Variants in SCP2 observed in about 807,000 individuals in gnomAD.
SCP2 encodes SCP-2/3-oxoacyl-CoA thiolase.
Under a neutral mutation model 71.4 loss-of-function variants are expected in SCP2, and 48 were observed. That is an observed-to-expected ratio of 0.67 (90% CI 0.53 to 0.86). SCP2 has a LOEUF of 0.86. Among genes scored for constraint, SCP2 ranks in the 40% least tolerant of loss-of-function variants. The pLI, the probability that SCP2 is intolerant of heterozygous loss-of-function variation, is 0.00. For missense variants in SCP2, 560 were observed against 655.6 expected (o/e 0.85, Z 1.59); for synonymous variants, 220 against 218.1 (o/e 1.01, Z -0.08).
At chr1:53,047,266 G>A (rs1342244007) in intron 14 of SCP2, among the ~76,000 whole-genome samples, 2 of 152,196 alleles carry the variant, frequency 1.3e-5, no homozygotes, top group African/African-American at 4.8e-5. Flanking sequence ...CTGCTAGCAA[G>A]GTAGAATCAT....
chr1:53,035,129 T>C (rs1662838763), intron 13 of SCP2, among the ~76,000 whole-genome samples: 1 of 151,404 alleles, frequency 6.6e-6, no homozygotes, highest in Admixed American at 6.6e-5. Context: ...AAAATTAATA[T>C]GATACCAAAA....
chr1:52,998,978 A>C (rs1281393141), intron 11 of SCP2, among the ~76,000 whole-genome samples: 1 of 152,252 alleles, frequency 6.6e-6, no homozygotes, highest in Non-Finnish European at 1.5e-5. Context: ...ACCTCAGGAA[A>C]TCTGCAGTAT....
intron 6 of SCP2, among the ~76,000 whole-genome samples, chr1:52,968,362 T>A (rs1438881352): frequency 6.6e-6 from 1 of 152,238 alleles, no homozygotes; most frequent in African/African-American, 2.4e-5. Flanking sequence ...TAATTATGTC[T>A]ATTCTTTCTA....
rs149625121 is a variant in SCP2, at chr1:53,017,122, AGACT to A, written c.1235+2082_1235+2085del. 6.2e-3 allele frequency among the ~76,000 whole-genome samples: 952 copies of A among 152,348 alleles called. 16 individuals are homozygous for A. The highest frequency in any genetic ancestry group is 0.022 in the African/African-American group (915 of 41,586). On this transcript the variant is annotated intron_variant, in intron 12 of 15. Transcript: ENST00000371514. ...CGTAAGAGAGGAGCTTTTGTGCTAC[AGACT>A]GAGAATAGGTATGTATTCTATATTC...
At chr1:52,947,927 T>C (rs753610080) in intron 2 of SCP2, 82 bp from the exon 3 acceptor site, 61 of 927,648 alleles carry the variant, frequency 6.6e-5, no homozygotes, top group Non-Finnish European at 9.2e-5. Flanking sequence ...TAGTTTACTT[T>C]GAGAAAACTC....
chr1:52,953,753 C>T (rs1203385440), intron 4 of SCP2, among the ~76,000 whole-genome samples: 1 of 150,644 alleles, frequency 6.6e-6, no homozygotes, highest in African/African-American at 2.4e-5. Context: ...CTTTGGGAAG[C>T]TGAGGTGGGT....
intron 5 of SCP2, among the ~76,000 whole-genome samples, chr1:52,958,404 T>A (rs2150136964): frequency 6.6e-6 from 1 of 152,178 alleles, no homozygotes; most frequent in South Asian, 2.1e-4. Flanking sequence ...CTAATTTGTG[T>A]ATTTTTAGTA....
At chr1:53,038,072 G>A (rs1663145904) in intron 13 of SCP2, among the ~76,000 whole-genome samples, 1 of 151,500 alleles carries the variant, frequency 6.6e-6, no homozygotes, top group African/African-American at 2.4e-5. Flanking sequence ...CTTGAGCACT[G>A]GAGATCGACC....
At chr1:53,021,370 G>A (rs955649914) in intron 12 of SCP2, among the ~76,000 whole-genome samples, 1 of 147,552 alleles carries the variant, frequency 6.8e-6, no homozygotes, top group African/African-American at 2.5e-5. Flanking sequence ...AGGCTGGAGT[G>A]CAGTTGCGCA....
intron 6 of SCP2, among the ~76,000 whole-genome samples, chr1:52,970,783 G>A (rs1047147514): frequency 3.3e-5 from 5 of 151,288 alleles, no homozygotes; most frequent in African/African-American, 9.7e-5. Flanking sequence ...GTGTAGAAAC[G>A]TGAGCAGTTG....
At chr1:53,006,773 C>T (rs1383506967) in intron 11 of SCP2, among the ~76,000 whole-genome samples, 1 of 152,048 alleles carries the variant, frequency 6.6e-6, no homozygotes, top group Non-Finnish European at 1.5e-5. Context: ...CAAATTCACA[C>T]ATAACAATAT....
chr1:53,014,541 C>T (rs1661203141), intron 11 of SCP2, among the ~76,000 whole-genome samples: 1 of 152,164 alleles, frequency 6.6e-6, no homozygotes. Flanking sequence ...ACCAGCTAAA[C>T]TTTTAGGGAA....
intron 10 of SCP2, among the ~76,000 whole-genome samples, chr1:52,983,105 G>A (rs115248682): frequency 0.016 from 2,380 of 152,230 alleles, 70 homozygotes; most frequent in African/African-American, 0.054. Context: ...GGAACTCTGG[G>A]CTGATTATAG....
At chr1:52,993,228 C>G (rs774483050) in intron 11 of SCP2, 2 of 1,614,122 alleles carry the variant, frequency 1.2e-6, no homozygotes, top group South Asian at 2.2e-5. Context: ...CCTTTCTTGT[C>G]TTTTTCTTTC....
At chr1:53,024,472 TA>T (rs1284501053) in intron 12 of SCP2, among the ~76,000 whole-genome samples, 1 of 152,188 alleles carries the variant, frequency 6.6e-6, no homozygotes, top group Non-Finnish European at 1.5e-5. Flanking sequence ...ATGTGTATTT[TA>T]ACATAATAAA....
At chr1:52,938,272 T>A (rs545935315) in intron 1 of SCP2, among the ~76,000 whole-genome samples, 1 of 152,226 alleles carries the variant, frequency 6.6e-6, no homozygotes, top group Non-Finnish European at 1.5e-5. Flanking sequence ...ATGAAAGTTT[T>A]GCTTCACTTA....
intron 12 of SCP2, among the ~76,000 whole-genome samples, chr1:53,019,170 A>C (rs1256115888): frequency 6.6e-6 from 1 of 152,186 alleles, no homozygotes; most frequent in Non-Finnish European, 1.5e-5. Flanking sequence ...TAATCACTTA[A>C]TGTGGCATCT....
intron 4 of SCP2, among the ~76,000 whole-genome samples, chr1:52,953,458 G>A (rs1303981824): frequency 6.6e-6 from 1 of 151,916 alleles, no homozygotes; most frequent in Non-Finnish European, 1.5e-5. Context: ...TCCCACCTCA[G>A]CCTCCTAAGT....
intron 11 of SCP2, among the ~76,000 whole-genome samples, chr1:52,991,943 T>C (rs1041158489): frequency 5.3e-5 from 8 of 152,122 alleles, no homozygotes; most frequent in African/African-American, 1.9e-4. Context: ...TTAAATACAA[T>C]CCACAGAATT....
Sources: allele counts gnomAD v4.1 joint callset (sites outside exome capture counted in the v4.1 genomes callset), GRCh38; gene constraint gnomAD v4.1.1; transcripts MANE v1.5; gene names NCBI Gene and HGNC (gene_info 2026-07-23, HGNC 2026-07-21).